Variants in SGSM1 observed in about 807,000 individuals in gnomAD.
The protein encoded by SGSM1 is small G protein signaling modulator 1.
SGSM1 carries 73 observed loss-of-function variants against 133.8 expected under a neutral mutation model. The observed-to-expected ratio is 0.55, with a 90% CI of 0.45 to 0.66. The LOEUF (loss-of-function observed/expected upper bound fraction) is 0.66. Among genes scored for constraint, SGSM1 ranks in the 30% least tolerant of loss-of-function variants. The pLI is 0.00. For synonymous variants in SGSM1, 563 were observed against 573.0 expected (o/e 0.98, Z 0.25); for missense variants, 1,213 against 1,448.1 (o/e 0.84, Z 2.64).
chr22:24,858,569 G>C (rs1016844056), intron 8 of SGSM1, among the ~76,000 whole-genome samples: 1 of 149,824 alleles, frequency 6.7e-6, no homozygotes, highest in African/African-American at 2.5e-5. Flanking sequence ...CCGGGAAGCA[G>C]ACGTTGCAGT....
chr22:24,886,452 C>G, intron 15 of SGSM1, 148 bp from the exon 16 acceptor site: 2 of 1,024,754 alleles, frequency 2.0e-6, no homozygotes, highest in Non-Finnish European at 2.7e-6. Flanking sequence ...GCCTGTAATC[C>G]CAGCACTTTG....
Position 24,898,364 on chromosome 22 carries a change from C to A in SGSM1, c.2415C>A (p.Ala805=). The A allele has an allele frequency of 6.2e-7, 1 of 1,613,744 alleles. No homozygotes were observed. The highest frequency in any genetic ancestry group is 1.1e-5 in the South Asian group (1 of 91,050). Residue 805 remains alanine, a synonymous_variant, in exon 19 of 25, where the codon GCC becomes GCA. Coordinates refer to ENST00000400358, the MANE Select transcript of SGSM1 (RefSeq NM_001098497.3). ...FMSITGSLDM[A]LPEKDDVVME... is the part of the protein sequence containing the mutation. ...CCATCACGGGCAGCCTGGACATGGC[C>A]CTGCCTGAAAAGGACGATGTTGTGA...
At chr22:24,903,475 T>C (rs2123715484) in intron 20 of SGSM1, among the ~76,000 whole-genome samples, 1 of 152,280 alleles carries the variant, frequency 6.6e-6, no homozygotes, top group East Asian at 1.9e-4. Context: ...TCCCAAGTGC[T>C]AGGATTACAG....
At chr22:24,848,294 C>T (rs1057492320) in intron 4 of SGSM1, among the ~76,000 whole-genome samples, 4 of 152,042 alleles carry the variant, frequency 2.6e-5, no homozygotes, top group Admixed American at 6.6e-5. Flanking sequence ...CTAGGACCCA[C>T]GGCCTGTTCT....
chr22:24,893,220 G>A (rs1479708839), intron 16 of SGSM1, among the ~76,000 whole-genome samples: 1 of 152,166 alleles, frequency 6.6e-6, no homozygotes, highest in Non-Finnish European at 1.5e-5. Context: ...AAAGGAAGGA[G>A]GGAAATAAGG....
rs957356915 is a variant in SGSM1 at position 24,854,922 on chromosome 22, T to C, written c.456-74T>C. On this transcript the variant is annotated intron_variant, in intron 5 of 24. Transcript: ENST00000400358. ...GGTGGTAACCGAGTGACACTGGGGA[T>C]TGAACTCTCATCTGTGGATTGTGCG... is the stretch of plus-strand genomic sequence containing the variant. 1.1e-5 allele frequency: 14 copies of C among 1,233,202 alleles called. No homozygotes were observed. The Admixed American group carries it at 2.7e-4, about 24-fold the overall frequency. 76.4% of individuals were successfully genotyped at this position (1,233,202 alleles called of 1,614,324 possible). A position where few individuals can be genotyped will look rare whatever the true frequency, so the allele number is the denominator to read the frequency against.
In SGSM1 at chr22:24,924,326, T is replaced by A; in HGVS notation, c.*52T>A. ...CCAAGCTGCCCCTGCCCCGCTCCTCTGCTTACTTTTCCTCCTGGCTGGATG... is the reference window on the plus strand; with the variant it reads ...CCAAGCTGCCCCTGCCCCGCTCCTCAGCTTACTTTTCCTCCTGGCTGGATG... On this transcript the variant is annotated 3_prime_UTR_variant, in exon 25 of 25. Transcript: ENST00000400358. 2.0e-6 allele frequency: 3 copies of A among 1,537,968 alleles called. No individual in the cohort carries two copies. Among genetic ancestry groups the A allele is most frequent in the Non-Finnish European group, 2.7e-6 (3 of 1,114,098 alleles).
At chr22:24,815,621 T>C (rs1444340163) in intron 2 of SGSM1, among the ~76,000 whole-genome samples, 1 of 152,142 alleles carries the variant, frequency 6.6e-6, no homozygotes, top group Admixed American at 6.5e-5. Flanking sequence ...GGCGGGCGCC[T>C]GTAGTCCCAG....
At chr22:24,886,931 G>A (rs1289639506) in intron 16 of SGSM1, among the ~76,000 whole-genome samples, 1 of 152,194 alleles carries the variant, frequency 6.6e-6, no homozygotes, top group Non-Finnish European at 1.5e-5. Context: ...TGGACTAAGT[G>A]TAGATTATGC....
chr22:24,886,589 A>G lies in SGSM1; in HGVS notation c.1642-11A>G. ...TTGACCAAACTCTTTGCTCCTCTCC[A>G]CCCACCACAGAGTTACGAGGAGCAG... On this transcript the variant is annotated splice_polypyrimidine_tract_variant and intron_variant, in intron 15 of 24. Transcript: ENST00000400358. 6.4e-7 allele frequency: 1 copy of G among 1,551,488 alleles called. No individual in the cohort carries two copies.
intron 2 of SGSM1, among the ~76,000 whole-genome samples, chr22:24,825,969 G>A (rs1928778109): frequency 6.6e-6 from 1 of 152,150 alleles, no homozygotes; most frequent in South Asian, 2.1e-4. Context: ...GCAGGGGACA[G>A]CTGGCCCGGG....
At chr22:24,810,512 G>T (rs1028994775) in intron 2 of SGSM1, among the ~76,000 whole-genome samples, 1 of 152,114 alleles carries the variant, frequency 6.6e-6, no homozygotes, top group Non-Finnish European at 1.5e-5. Flanking sequence ...AGCGAGCAGG[G>T]ACTGGCTTCC....
chr22:24,862,130 A>T (rs1158098103), intron 9 of SGSM1, among the ~76,000 whole-genome samples: 4 of 151,208 alleles, frequency 2.6e-5, no homozygotes. Flanking sequence ...TTGTATTTTT[A>T]GTAGAGACAG....
Position 24,895,287 on chromosome 22 carries a change from C to T in SGSM1, c.2018C>T (p.Thr673Ile), listed in dbSNP as rs1239571809. ...IRLHSDSSSS[T>I]QVFESVDEVE... ...CTGCACAGCGACTCCAGCAGCAGCA[C>T]ACAGGTGACCTTGTGGAGGCCTCGC... Residue 673 changes from threonine to isoleucine, a missense_variant, in exon 18 of 25, where the codon ACA (threonine) becomes ATA (isoleucine). Physicochemically the swap from Thr to Ile is moderately conservative, Grantham distance 89 (BLOSUM62 -1). Coordinates refer to ENST00000400358, the MANE Select transcript of SGSM1 (RefSeq NM_001098497.3). The T allele has an allele frequency of 3.7e-6, 6 of 1,611,080 alleles. No individual in the cohort carries two copies. The highest frequency in any genetic ancestry group is 5.1e-6 in the Non-Finnish European group (6 of 1,178,874).
At position 24,924,253 on chromosome 22, in the gene SGSM1, G is replaced by A; in HGVS notation, c.3261G>A (p.Gln1087=). The A allele has an allele frequency of 6.2e-7, 1 of 1,613,990 alleles. No homozygotes were observed. The highest frequency in any genetic ancestry group is 1.1e-5 in the South Asian group (1 of 91,076). The change falls in exon 25 of 25, where the codon CAG becomes CAA. Residue 1087 remains glutamine (Q), a synonymous_variant. Transcript: ENST00000400358. ...CGCGGGACCTCGTGTACAAGGTGCA[G>A]ACTCTGATTGAGAACAAGTGAGGGG... ...KLARDLVYKV[Q]TLIENK
intron 10 of SGSM1, among the ~76,000 whole-genome samples, chr22:24,867,942 A>G (rs1212743468): frequency 6.6e-6 from 1 of 152,214 alleles, no homozygotes; most frequent in Non-Finnish European, 1.5e-5. Context: ...TCAATAAGAC[A>G]GTGCCTCTAA....
At chr22:24,865,712 G>A (rs1168131787) in intron 9 of SGSM1, among the ~76,000 whole-genome samples, 3 of 152,152 alleles carry the variant, frequency 2.0e-5, no homozygotes, top group African/African-American at 7.2e-5. Context: ...ACCTGTGCAG[G>A]TTAAGGGAGG....
At chr22:24,845,953 C>CT (rs1463723067) in intron 3 of SGSM1, among the ~76,000 whole-genome samples, 1,316 of 78,124 alleles carry the variant, frequency 0.017, 24 homozygotes, top group African/African-American at 0.036. Context: ...TTCTTTCTTT[C>CT]TTTCTTTCTT....
chr22:24,895,390 T>C, intron 18 of SGSM1, 99 bp downstream of exon 18: 1 of 1,232,206 alleles, frequency 8.1e-7, no homozygotes, highest in Non-Finnish European at 1.2e-6. Flanking sequence ...CACTTTTTGC[T>C]TTATTTGTTT....
Sources: gnomAD v4.1 joint callset for allele counts (sites outside exome capture counted in the v4.1 genomes callset) on GRCh38, gnomAD v4.1.1 for gene constraint, MANE v1.5 for transcripts, NCBI Gene and HGNC (gene_info 2026-07-23, HGNC 2026-07-21) for gene names.